SYT7: variants seen among roughly 807,000 people sequenced by gnomAD.
The protein encoded by SYT7 is synaptotagmin-7.
In SYT7, 29 loss-of-function variants were observed where a neutral mutation model predicts 75.1. The observed-to-expected ratio is 0.39, with a 90% CI of 0.29 to 0.53. The LOEUF is 0.53. Ranked by LOEUF, SYT7 falls within the 20% of genes least tolerant of loss-of-function variation. SYT7 has a pLI of 0.77. For missense variants in SYT7, 693 were observed against 953.2 expected, an observed-to-expected ratio of 0.73 and a Z score of 3.59; for synonymous variants, 376 against 401.7, an observed-to-expected ratio of 0.94 and a Z score of 0.76.
the SYT7 span, among the ~76,000 whole-genome samples, chr11:61,586,469 G>A: frequency 6.6e-6 from 1 of 152,216 alleles, no homozygotes; most frequent in Non-Finnish European, 1.5e-5. Flanking sequence ...GAGTGACCCG[G>A]GGTCAGCCCC....
Position 61,551,191 on chromosome 11 carries a change from G to A in SYT7, c.215+193C>T, listed in dbSNP as rs1485994915. Among the ~76,000 whole-genome samples, 1 of 152,150 alleles carries A rather than the reference G, an allele frequency of 6.6e-6. No individual in the cohort carries two copies. Among genetic ancestry groups the A allele is most frequent in the Non-Finnish European group, 1.5e-5 (1 of 68,014 alleles). ...GCCAGGGACTCCGGAGCACTACGAGGGGCTTGGGCACAGGCAGAAAAGACG... is the reference window on the plus strand; with the variant it reads ...GCCAGGGACTCCGGAGCACTACGAGAGGCTTGGGCACAGGCAGAAAAGACG... On this transcript the variant is annotated intron_variant, in intron 3 of 12. Transcript: ENST00000539008. This position sits in a 1 kb window ranked among gnomAD's most constrained non-coding sequence, Gnocchi z 5.3.
chr11:61,583,777 T>C (rs1212592370), upstream of SYT7, among the ~76,000 whole-genome samples: 3 of 152,154 alleles, frequency 2.0e-5, no homozygotes, highest in Admixed American at 6.5e-5. Context: ...AGAAACGCCA[T>C]GAGATATAGT....
At chr11:61,528,779 A>T (rs1300455227) in intron 8 of SYT7, among the ~76,000 whole-genome samples, 1 of 152,092 alleles carries the variant, frequency 6.6e-6, no homozygotes, top group Non-Finnish European at 1.5e-5. Context: ...GGGACAAGAA[A>T]ATTGCAGACT....
intron 1 of SYT7, among the ~76,000 whole-genome samples, chr11:61,574,558 A>G (rs1456379465): frequency 6.6e-6 from 1 of 152,070 alleles, no homozygotes; most frequent in Non-Finnish European, 1.5e-5. Context: ...TGCAAAGCAC[A>G]AAACCCCCAT....
At chr11:61,575,304 T>C (rs1226110327) in intron 1 of SYT7, among the ~76,000 whole-genome samples, 3 of 152,150 alleles carry the variant, frequency 2.0e-5, no homozygotes, top group African/African-American at 7.2e-5. Flanking sequence ...CATATGCCTG[T>C]TTTACCAGCA....
chr11:61,524,218 C>T lies in SYT7; in HGVS notation c.1641+145G>A, dbSNP rs1029775958. 4.6e-5 allele frequency: 46 copies of T among 994,036 alleles called. No individual in the cohort carries two copies. Among genetic ancestry groups the T allele is most frequent in the African/African-American group, 9.8e-5 (6 of 61,178 alleles). 61.6% of individuals were successfully genotyped at this position (994,036 alleles called of 1,614,324 possible). A position where few individuals can be genotyped will look rare whatever the true frequency, so the allele number is the denominator to read the frequency against. On this transcript the variant is annotated intron_variant, in intron 10 of 12. Coordinates refer to ENST00000539008, the MANE Select transcript of SYT7 (RefSeq NM_001365809.2). The surrounding 1 kb of genome is among the most constrained non-coding windows in gnomAD (Gnocchi z 4.1). ...CAAGCACCAATGTTCTGACTGCTAG[C>T]GAGGGCTGAGCTCCATCGGGTCCAC...
chr11:61,559,745 C>T (rs1324861972), intron 1 of SYT7, among the ~76,000 whole-genome samples: 1 of 152,182 alleles, frequency 6.6e-6, no homozygotes, highest in East Asian at 1.9e-4. Context: ...CATCCTCAAC[C>T]CCTGCTGCAG....
At chr11:61,549,713 C>T (rs563566762) in intron 3 of SYT7, among the ~76,000 whole-genome samples, 33 of 152,206 alleles carry the variant, frequency 2.2e-4, no homozygotes, top group African/African-American at 2.7e-4. Flanking sequence ...TCAGCAGCTT[C>T]GGGGGCAGGC....
rs2063400100 is a variant in SYT7, at chr11:61,553,130, G to A, written c.136-1667C>T. On this transcript the variant is annotated intron_variant, in intron 2 of 12. Transcript: ENST00000539008. The surrounding 1 kb of genome is among the most constrained non-coding windows in gnomAD (Gnocchi z 5.2). ...GAAATATAGAGATGCCGGACACCCT[G>A]GGTTCACAAAAGCTGCCACTCACAG... is the stretch of plus-strand genomic sequence containing the variant. Among the ~76,000 whole-genome samples the A allele has an allele frequency of 2.0e-5, 3 of 152,084 alleles. No individual in the cohort carries two copies. Among genetic ancestry groups the A allele is most frequent in the Admixed American group, 6.5e-5 (1 of 15,278 alleles).
intron 7 of SYT7, among the ~76,000 whole-genome samples, chr11:61,534,413 G>GCACACACACGCACACACACGCA (rs796187429): frequency 0.031 from 4,631 of 149,788 alleles, 258 homozygotes; most frequent in African/African-American, 0.11. Context: ...ACACACGCAC[G>GCACACACACGCACACACACGCA]CACACATGCG....
intron 1 of SYT7, among the ~76,000 whole-genome samples, chr11:61,556,487 G>A (rs1281751693): frequency 6.6e-6 from 1 of 152,148 alleles, no homozygotes; most frequent in Non-Finnish European, 1.5e-5. Context: ...TGGGATCTGT[G>A]CCGGCCTCCA....
chr11:61,566,611 A>G (rs1159002837), intron 1 of SYT7, among the ~76,000 whole-genome samples: 3 of 152,242 alleles, frequency 2.0e-5, no homozygotes, highest in Non-Finnish European at 4.4e-5. Flanking sequence ...CTGTCAGAGC[A>G]GCAGGAGCCC....
intron 12 of SYT7, among the ~76,000 whole-genome samples, chr11:61,522,772 C>T (rs2062384685): frequency 6.6e-6 from 1 of 152,126 alleles, no homozygotes; most frequent in African/African-American, 2.4e-5. Context: ...TCATCCTGTC[C>T]AGTAAACCTT....
At position 61,546,036 on chromosome 11, in the gene SYT7, C is replaced by T. The variant is rs1219305836; in HGVS notation, c.567G>A (p.Leu189=). The T allele has an allele frequency of 4.6e-6, 7 of 1,533,230 alleles. No individual in the cohort carries two copies. The highest frequency in any genetic ancestry group is 1.4e-5 in the African/African-American group (1 of 72,666). 95.0% of individuals were successfully genotyped at this position (1,533,230 alleles called of 1,614,324 possible). A position where few individuals can be genotyped will look rare whatever the true frequency, so the allele number is the denominator to read the frequency against. The change falls in exon 5 of 13, where the codon TTG becomes TTA. Residue 189 remains leucine (L), a synonymous_variant. Coordinates refer to ENST00000539008, the MANE Select transcript of SYT7 (RefSeq NM_001365809.2). This position sits in a 1 kb window ranked among gnomAD's most constrained non-coding sequence, Gnocchi z 7.6. ...QSHLAAGKLN[L]SNFEDSTLST... ...CATGGGGCGCCATCACTCACTTGGA[C>T]AAGTTGAGCTTCCCTGCGGCCAGGT...
In SYT7 at chr11:61,523,928, T is replaced by A; in HGVS notation, c.1655A>T (p.Glu552Val). The change falls in exon 11 of 13, where the codon GAG (glutamate) becomes GTG (valine). Residue 552 changes from glutamate to valine, a missense_variant. Physicochemically the swap from Glu to Val is moderately radical, Grantham distance 121. Coordinates refer to ENST00000539008, the MANE Select transcript of SYT7 (RefSeq NM_001365809.2). The surrounding 1 kb of genome is among the most constrained non-coding windows in gnomAD (Gnocchi z 5.0). ...PCSDGSGSRGELLLSLCYNPS... is the reference protein window; with the variant it reads ...PCSDGSGSRGVLLLSLCYNPS... ...GTTGTAGCAGAGAGACAAGAGCAGC[T>A]CCCCTCGGCTCCCCTGGGAGGCACG... 6.2e-7 allele frequency: 1 copy of A among 1,613,816 alleles called. No homozygotes were observed. The highest frequency in any genetic ancestry group is 8.5e-7 in the Non-Finnish European group (1 of 1,179,866).
At chr11:61,533,334 G>A in intron 7 of SYT7, 1 of 985,418 alleles carries the variant, frequency 1.0e-6, no homozygotes, top group Non-Finnish European at 1.2e-6. Flanking sequence ...TCTACCCCAG[G>A]CGACTGTGGC....
intron 1 of SYT7, among the ~76,000 whole-genome samples, chr11:61,558,477 T>A (rs992089592): frequency 4.9e-4 from 67 of 137,472 alleles, no homozygotes; most frequent in South Asian, 1.4e-3. Context: ...TTCAAAAAAA[T>A]ATATATATAC....
In SYT7 at chr11:61,546,657, G is replaced by A. The variant is rs748175158; in HGVS notation, c.348-402C>T. ...GAAGGGTTAACGACGGAGGAAGAGC[G>A]GGCTGTCCAGGCCAGGAGGCCCCAA... On this transcript the variant is annotated intron_variant, in intron 4 of 12. Transcript: ENST00000539008. The surrounding 1 kb of genome is among the most constrained non-coding windows in gnomAD (Gnocchi z 7.6). The A allele has an allele frequency of 1.5e-5, 7 of 464,452 alleles. No individual in the cohort carries two copies. Among genetic ancestry groups the A allele is most frequent in the South Asian group, 4.6e-5 (3 of 64,610 alleles). 28.8% of individuals were successfully genotyped at this position (464,452 alleles called of 1,614,324 possible).
In SYT7 at chr11:61,551,568, G is replaced by A. The variant is rs930866555; in HGVS notation, c.136-105C>T. 38 of 1,158,422 alleles carry A rather than the reference G, an allele frequency of 3.3e-5. No individual in the cohort carries two copies. Among genetic ancestry groups the A allele is most frequent in the East Asian group, 4.8e-5 (2 of 41,874 alleles). The allele number at this position is 1,158,422 out of a possible 1,614,324, so 71.8% of individuals were successfully genotyped here. On this transcript the variant is annotated intron_variant, in intron 2 of 12. Coordinates refer to ENST00000539008, the MANE Select transcript of SYT7 (RefSeq NM_001365809.2). This position sits in a 1 kb window ranked among gnomAD's most constrained non-coding sequence, Gnocchi z 5.3. Reference sequence around the variant, plus strand: ...GAAGGAGATAGACTGGAGTCGGGCCGTGGCAACAAGGCCAGGACCAGTGTG... The same window carrying A: ...GAAGGAGATAGACTGGAGTCGGGCCATGGCAACAAGGCCAGGACCAGTGTG...
Sources: gnomAD v4.1 joint callset for allele counts (sites outside exome capture counted in the v4.1 genomes callset) on GRCh38, gnomAD v4.1.1 for gene constraint, Gnocchi (gnomAD v3.1) non-coding constraint, MANE v1.5 for transcripts, NCBI Gene and HGNC (gene_info 2026-07-23, HGNC 2026-07-21) for gene names.